Variants in HSPA4L observed in about 807,000 individuals in gnomAD.
The protein encoded by HSPA4L is heat shock protein family A (Hsp70) member 4 like.
A neutral mutation model predicts 100.3 loss-of-function variants in HSPA4L; 48 were observed. That is an observed-to-expected ratio of 0.48 (90% CI 0.38 to 0.61). The LOEUF is 0.61. HSPA4L is among the 20% of genes least tolerant of loss of function. HSPA4L has a pLI of 0.00. For synonymous variants in HSPA4L, 319 were observed against 328.2 expected (o/e 0.97, Z 0.30); for missense variants, 886 against 988.6 (o/e 0.90, Z 1.39).
In HSPA4L at chr4:127,798,693, C is replaced by G; in HGVS notation, c.413C>G (p.Ala138Gly). The change falls in exon 4 of 19, where the codon GCT becomes GGT. Residue 138 changes from alanine to glycine, a missense_variant. Transcript: ENST00000296464. ...TSENALKKPV[A>G]DCVISIPSFF... is the part of the protein sequence containing the mutation. ...GAAAATGCTTTGAAGAAACCAGTGG[C>G]TGACTGTGTGATTTCAGTAAGTTTT... The G allele has an allele frequency of 6.2e-7, 1 of 1,613,534 alleles. No homozygotes were observed. Among genetic ancestry groups the G allele is most frequent in the East Asian group, 2.2e-5 (1 of 44,810 alleles).
chr4:127,802,613 G>C (rs556692038), intron 6 of HSPA4L, among the ~76,000 whole-genome samples: 1 of 152,102 alleles, frequency 6.6e-6, no homozygotes, highest in African/African-American at 2.4e-5. Context: ...TAAAAAGAAC[G>C]TTTTTTTCCT....
chr4:127,797,662 C>T (rs907945198), intron 3 of HSPA4L, among the ~76,000 whole-genome samples: 1 of 145,572 alleles, frequency 6.9e-6, no homozygotes, highest in Non-Finnish European at 1.5e-5. Flanking sequence ...AGTGCAGTGG[C>T]GCAATCTCGG....
intron 6 of HSPA4L, among the ~76,000 whole-genome samples, chr4:127,803,011 G>T (rs1250028131): frequency 2.2e-4 from 34 of 152,132 alleles, no homozygotes; most frequent in Non-Finnish European, 8.8e-5. Context: ...ATGTTTTCAA[G>T]AACTGTAGTG....
chr4:127,782,973 T>C (rs778283852), intron 1 of HSPA4L, among the ~76,000 whole-genome samples: 55 of 152,180 alleles, frequency 3.6e-4, no homozygotes, highest in Non-Finnish European at 7.3e-4. Flanking sequence ...AGGAAGAGGT[T>C]GCTGTGGGAC....
chr4:127,815,868 A>G (rs1733657914), intron 12 of HSPA4L, among the ~76,000 whole-genome samples: 1 of 152,228 alleles, frequency 6.6e-6, no homozygotes, highest in African/African-American at 2.4e-5. Context: ...AGGAAGGAAC[A>G]GGTAAGCTAG....
intron 14 of HSPA4L, among the ~76,000 whole-genome samples, chr4:127,820,805 C>G (rs1448018800): frequency 1.3e-5 from 2 of 152,086 alleles, no homozygotes; most frequent in Admixed American, 1.3e-4. Flanking sequence ...AAAGACTTTT[C>G]TGAAATTGAT....
At chr4:127,801,949 ATATGT>A (rs778931907) in intron 6 of HSPA4L, 31 bp downstream of exon 6, 1 of 1,550,654 alleles carries the variant, frequency 6.4e-7, no homozygotes, top group East Asian at 2.3e-5. Context: ...TTATATTTAC[ATATGT>A]TAAGAACACA....
At chr4:127,799,421 C>T (rs1419151722) in intron 4 of HSPA4L, among the ~76,000 whole-genome samples, 3 of 151,968 alleles carry the variant, frequency 2.0e-5, no homozygotes, top group African/African-American at 7.3e-5. Context: ...CATTTTAACC[C>T]ATTTAATCTC....
chr4:127,781,803 G>C, upstream of HSPA4L: 1 of 226,900 alleles, frequency 4.4e-6, no homozygotes, highest in South Asian at 4.1e-5. Context: ...GCCACAAGGG[G>C]AGGGCGCCGG....
At chr4:127,809,387 T>A in intron 11 of HSPA4L, 1 of 1,206,812 alleles carries the variant, frequency 8.3e-7, no homozygotes, top group Non-Finnish European at 1.2e-6. Flanking sequence ...TGCAGCATGC[T>A]CATGCACATT....
At chr4:127,802,899 T>A (rs1733232396) in intron 6 of HSPA4L, among the ~76,000 whole-genome samples, 1 of 152,074 alleles carries the variant, frequency 6.6e-6, no homozygotes, top group South Asian at 2.1e-4. Flanking sequence ...ACCCACCTTA[T>A]AATGAAAGAG....
Position 127,838,188 on chromosome 4 carries a change from A to T in HSPA4L, c.*5314A>T, listed in dbSNP as rs1159158134. On this transcript the variant is annotated 3_prime_UTR_variant, in exon 19 of 19. Transcript: ENST00000296464. ...GATGTCATTACAATTTTTTTTCTAA[A>T]TTCAAAGGTAATTATTCTAAACAAT... is the stretch of plus-strand genomic sequence containing the variant. 6.6e-6 allele frequency: 1 copy of T among 152,150 alleles called. No individual in the cohort carries two copies. The highest frequency in any genetic ancestry group is 1.5e-5 in the Non-Finnish European group (1 of 68,028). The allele number at this position is 152,150 out of a possible 1,614,324, so 9.4% of individuals were successfully genotyped here. A position where few individuals can be genotyped will look rare whatever the true frequency, so the allele number is the denominator to read the frequency against.
At chr4:127,823,171 C>T (rs1733857253) in intron 15 of HSPA4L, among the ~76,000 whole-genome samples, 1 of 151,952 alleles carries the variant, frequency 6.6e-6, no homozygotes, top group African/African-American at 2.4e-5. Flanking sequence ...TTATTTGAGA[C>T]AGCATCTAGC....
At chr4:127,820,889 TCTC>T (rs1733792933) in intron 14 of HSPA4L, among the ~76,000 whole-genome samples, 1 of 152,078 alleles carries the variant, frequency 6.6e-6, no homozygotes, top group South Asian at 2.1e-4. Context: ...GCTCCCCTCT[TCTC>T]CTGTGTTGTC....
intron 16 of HSPA4L, 70 bp downstream of exon 16, chr4:127,823,694 AG>A: frequency 1.2e-6 from 1 of 835,344 alleles, no homozygotes; most frequent in East Asian, 2.6e-5. Context: ...GTAAGAGCAC[AG>A]TTTATGTTCT....
At position 127,838,057 on chromosome 4, in the gene HSPA4L, C is replaced by T. The variant is rs1232306520; in HGVS notation, c.*5183C>T. ...ACTTCAAATGATCCACCCACATCCA[C>T]CTGCCAGAGTGCTGAGATTACAGGC... On this transcript the variant is annotated 3_prime_UTR_variant, in exon 19 of 19. Coordinates refer to ENST00000296464, the MANE Select transcript of HSPA4L (RefSeq NM_014278.4). 1 of 152,190 alleles carries T rather than the reference C, an allele frequency of 6.6e-6. No individual in the cohort carries two copies. Among genetic ancestry groups the T allele is most frequent in the Non-Finnish European group, 1.5e-5 (1 of 68,054 alleles). 9.4% of individuals were successfully genotyped at this position (152,190 alleles called of 1,614,324 possible).
rs930012382 is a variant in HSPA4L at position 127,838,109 on chromosome 4, C to T, written c.*5235C>T. ...TGAGCCACCGCACCTGGCCAATGTT[C>T]TTTTATATACTCATGTTTTCTAACA... On this transcript the variant is annotated 3_prime_UTR_variant, in exon 19 of 19. Transcript: ENST00000296464. 1 of 152,084 alleles carries T rather than the reference C, an allele frequency of 6.6e-6. No individual in the cohort carries two copies. The highest frequency in any genetic ancestry group is 2.4e-5 in the African/African-American group (1 of 41,418). 9.4% of individuals were successfully genotyped at this position (152,084 alleles called of 1,614,324 possible).
chr4:127,793,947 A>C (rs1444862539), intron 1 of HSPA4L, 130 bp from the exon 2 acceptor site: 1 of 546,032 alleles, frequency 1.8e-6, no homozygotes, highest in South Asian at 3.9e-5. Context: ...TTTGATTTGC[A>C]TAACCTATTT....
At chr4:127,797,045 G>C (rs964639580) in intron 3 of HSPA4L, among the ~76,000 whole-genome samples, 1 of 152,088 alleles carries the variant, frequency 6.6e-6, no homozygotes, top group Admixed American at 6.5e-5. Context: ...TTTAGAAGAG[G>C]GTTCTGACTA....
Sources: allele counts gnomAD v4.1 joint callset (sites outside exome capture counted in the v4.1 genomes callset), GRCh38; gene constraint gnomAD v4.1.1; transcripts MANE v1.5; gene names NCBI Gene and HGNC (gene_info 2026-07-23, HGNC 2026-07-21).